Variants in GTPBP10 observed in about 807,000 individuals in gnomAD.
GTPBP10 encodes GTP binding protein 10.
Under a neutral mutation model 44.8 loss-of-function variants are expected in GTPBP10, and 38 were observed. That is an observed-to-expected ratio of 0.85 (90% CI 0.65 to 1.11). GTPBP10 has a LOEUF of 1.11. Ranked by LOEUF, GTPBP10 falls within the 50% of genes most tolerant of loss-of-function variation. The pLI, the probability that GTPBP10 is intolerant of heterozygous loss-of-function variation, is 0.00. For missense variants in GTPBP10, 462 were observed against 453.7 expected, an observed-to-expected ratio of 1.02 and a Z score of -0.17; for synonymous variants, 152 against 150.6, an observed-to-expected ratio of 1.01 and a Z score of -0.07.
At chr7:90,350,410 A>G (rs1562952515) in intron 1 of GTPBP10, among the ~76,000 whole-genome samples, 4 of 152,196 alleles carry the variant, frequency 2.6e-5, no homozygotes, top group Non-Finnish European at 4.4e-5. Flanking sequence ...TCCTTTGGGT[A>G]TATATCCAGT....
intron 4 of GTPBP10, among the ~76,000 whole-genome samples, chr7:90,361,080 C>A (rs554444751): frequency 6.6e-6 from 1 of 152,180 alleles, no homozygotes; most frequent in Non-Finnish European, 1.5e-5. Context: ...CATCTTCAAA[C>A]AGGGACAATT....
At chr7:90,370,203 A>G (rs1796230474) in intron 4 of GTPBP10, among the ~76,000 whole-genome samples, 1 of 152,198 alleles carries the variant, frequency 6.6e-6, no homozygotes, top group South Asian at 2.1e-4. Context: ...CCACTACAGG[A>G]TATCTACCCA....
At chr7:90,361,677 A>G (rs189902240) in intron 4 of GTPBP10, among the ~76,000 whole-genome samples, 64 of 152,106 alleles carry the variant, frequency 4.2e-4, no homozygotes, top group South Asian at 2.5e-3. Flanking sequence ...CTCTTTTTCT[A>G]TTGATTGGAA....
At chr7:90,369,965 C>T (rs1486282683) in intron 4 of GTPBP10, among the ~76,000 whole-genome samples, 1 of 152,120 alleles carries the variant, frequency 6.6e-6, no homozygotes, top group African/African-American at 2.4e-5. Context: ...TTAACTCTTA[C>T]AAAGACGTAC....
At chr7:90,360,869 T>G (rs188393587) in intron 4 of GTPBP10, among the ~76,000 whole-genome samples, 1 of 152,286 alleles carries the variant, frequency 6.6e-6, no homozygotes, top group East Asian at 1.9e-4. Context: ...GTAAGTTGGA[T>G]TCCTAGCTAT....
Position 90,389,771 on chromosome 7 carries a change from GAT to G in GTPBP10, c.*4620_*4621del, listed in dbSNP as rs1310218264. On this transcript the variant is annotated 3_prime_UTR_variant, in exon 10 of 10. Transcript: ENST00000222511. ...AATAAACATCTTTTTTTCTTAAAGA[GAT>G]ATTTCATATCTGTTCTATTTGTTTA... 6.6e-6 allele frequency: 1 copy of G among 151,998 alleles called. No homozygotes were observed. The highest frequency in any genetic ancestry group is 1.5e-5 in the Non-Finnish European group (1 of 68,022). 9.4% of individuals were successfully genotyped at this position (151,998 alleles called of 1,614,324 possible). A position where few individuals can be genotyped will look rare whatever the true frequency, so the allele number is the denominator to read the frequency against.
intron 6 of GTPBP10, among the ~76,000 whole-genome samples, chr7:90,374,838 A>G (rs1390182045): frequency 6.6e-6 from 1 of 152,190 alleles, no homozygotes; most frequent in African/African-American, 2.4e-5. Context: ...GAAAGTAACA[A>G]TATTTAAAAT....
rs1484355023 is a variant in GTPBP10 at position 90,388,847 on chromosome 7, TCA to T, written c.*3696_*3697del. 1 of 152,202 alleles carries T rather than the reference TCA, an allele frequency of 6.6e-6. No individual in the cohort carries two copies. The highest frequency in any genetic ancestry group is 1.5e-5 in the Non-Finnish European group (1 of 68,020). The allele number at this position is 152,202 out of a possible 1,614,324, so 9.4% of individuals were successfully genotyped here. Reference sequence around the variant, plus strand: ...CACATAAACTATTTTCCAAGCAGTTTCACAGTGTTTGCAAAGTTCAGATTGAA... The same window carrying T: ...CACATAAACTATTTTCCAAGCAGTTTCAGTGTTTGCAAAGTTCAGATTGAA... On this transcript the variant is annotated 3_prime_UTR_variant, in exon 10 of 10. Transcript: ENST00000222511.
Position 90,389,117 on chromosome 7 carries a change from G to A in GTPBP10, c.*3963G>A, listed in dbSNP as rs1346899944. 1 of 152,160 alleles carries A rather than the reference G, an allele frequency of 6.6e-6. No individual in the cohort carries two copies. The highest frequency in any genetic ancestry group is 6.5e-5 in the Admixed American group (1 of 15,276). The allele number at this position is 152,160 out of a possible 1,614,324, so 9.4% of individuals were successfully genotyped here. A position where few individuals can be genotyped will look rare whatever the true frequency, so the allele number is the denominator to read the frequency against. On this transcript the variant is annotated 3_prime_UTR_variant, in exon 10 of 10. Coordinates refer to ENST00000222511, the MANE Select transcript of GTPBP10 (RefSeq NM_033107.4). ...AATGCATATCTTTAAATCCTTAATA[G>A]TATCTCAAATCTGGTTTAAATCTGT...
At position 90,355,100 on chromosome 7, in the gene GTPBP10, G is replaced by GA; in HGVS notation, c.338dup (p.Asn113LysfsTer2). On this transcript the variant is annotated frameshift_variant, in exon 4 of 10. Transcript: ENST00000222511. LOFTEE classifies it high-confidence loss of function. ...CTCTTTTTAAGGAGAACTCAATAAA[G>GA]AAAATGACAGAATTTTGGTAGCTCA... The GA allele has an allele frequency of 6.3e-7, 1 of 1,584,850 alleles. No individual in the cohort carries two copies. Among genetic ancestry groups the GA allele is most frequent in the Non-Finnish European group, 8.6e-7 (1 of 1,158,906 alleles).
intron 4 of GTPBP10, among the ~76,000 whole-genome samples, chr7:90,357,228 A>G (rs1354496873): frequency 6.6e-6 from 1 of 152,294 alleles, no homozygotes; most frequent in Non-Finnish European, 1.5e-5. Context: ...TTATTCAGTC[A>G]TTAGCATCAT....
intron 5 of GTPBP10, among the ~76,000 whole-genome samples, 192 bp downstream of exon 5, chr7:90,372,420 T>TCC (rs1796274951): frequency 7.2e-6 from 1 of 138,690 alleles, no homozygotes; most frequent in South Asian, 2.3e-4. Flanking sequence ...GCTCAAGCCA[T>TCC]CCCCCTGCAT....
chr7:90,377,631 C>G lies in GTPBP10; in HGVS notation c.699+17C>G. On this transcript the variant is annotated intron_variant, in intron 7 of 9. Transcript: ENST00000222511. Reference sequence around the variant, plus strand: ...CTTTTTGTTGTAAGTCATATGTATACTAATGTGATATTCAAATAAATTGAA... The same window carrying G: ...CTTTTTGTTGTAAGTCATATGTATAGTAATGTGATATTCAAATAAATTGAA... The G allele has an allele frequency of 7.0e-7, 1 of 1,425,480 alleles. No individual in the cohort carries two copies. The highest frequency in any genetic ancestry group is 2.1e-5 in the Admixed American group (1 of 47,820). The allele number at this position is 1,425,480 out of a possible 1,614,324, so 88.3% of individuals were successfully genotyped here.
At chr7:90,372,021 T>G in intron 4 of GTPBP10, 134 bp from the exon 5 acceptor site, 1 of 547,038 alleles carries the variant, frequency 1.8e-6, no homozygotes, top group Admixed American at 3.5e-5. Flanking sequence ...TGTTCTCAAG[T>G]TTTTCAAGAT....
chr7:90,358,190 A>G (rs1356965034), intron 4 of GTPBP10, among the ~76,000 whole-genome samples: 3 of 152,314 alleles, frequency 2.0e-5, no homozygotes, highest in Middle Eastern at 3.4e-3. Context: ...TACAATAGCT[A>G]CAAAAAATAA....
intron 8 of GTPBP10, among the ~76,000 whole-genome samples, chr7:90,382,413 C>G (rs1051910266): frequency 6.6e-6 from 1 of 152,138 alleles, no homozygotes; most frequent in African/African-American, 2.4e-5. Context: ...CCACCATGCC[C>G]AGTCTTACAT....
chr7:90,378,384 A>G (rs1043138714), intron 8 of GTPBP10, 173 bp downstream of exon 8: 1 of 488,346 alleles, frequency 2.0e-6, no homozygotes, highest in African/African-American at 2.1e-5. Context: ...TTGCTCCTCA[A>G]ACTACTGCAG....
rs1021376528 is a variant in GTPBP10, at chr7:90,388,332, CT to C, written c.*3184del. The C allele has an allele frequency of 2.6e-5, 4 of 151,960 alleles. No homozygotes were observed. The highest frequency in any genetic ancestry group is 9.7e-5 in the African/African-American group (4 of 41,380). 9.4% of individuals were successfully genotyped at this position (151,960 alleles called of 1,614,324 possible). ...CAAAATGCAATTTTCAAAATATATG[CT>C]TTTTTGAAACACTTATTATGTTACT... On this transcript the variant is annotated 3_prime_UTR_variant, in exon 10 of 10. Transcript: ENST00000222511.
At chr7:90,357,174 A>C (rs116988229) in intron 4 of GTPBP10, among the ~76,000 whole-genome samples, 7,180 of 152,266 alleles carry the variant, frequency 0.047, 238 homozygotes, top group Middle Eastern at 0.071. Context: ...TTTAGCCTGT[A>C]AAATTTTCAC....
Sources: gnomAD v4.1 joint callset for allele counts (sites outside exome capture counted in the v4.1 genomes callset) on GRCh38, gnomAD v4.1.1 for gene constraint, MANE v1.5 for transcripts, NCBI Gene and HGNC (gene_info 2026-07-23, HGNC 2026-07-21) for gene names.